CASK: variants seen among roughly 807,000 people sequenced by gnomAD.
CASK encodes peripheral plasma membrane protein CASK.
In CASK, 4 loss-of-function variants were observed where a neutral mutation model predicts 82.9. The observed-to-expected ratio is 0.05, with a 90% CI of 0.02 to 0.11. CASK has a LOEUF of 0.11. CASK is among the 10% of genes least tolerant of loss of function. CASK has a pLI of 1.00. For synonymous variants in CASK, 259 were observed against 253.5 expected, an observed-to-expected ratio of 1.02 and a Z score of -0.20; for missense variants, 358 against 720.9, an observed-to-expected ratio of 0.50 and a Z score of 5.76.
chrX:41,557,172 A>G, intron 18 of CASK, 72 bp from the exon 19 acceptor site: 3 of 819,444 alleles, frequency 3.7e-6, no homozygotes, highest in Non-Finnish European at 5.6e-6. Flanking sequence ...CATCAACAGT[A>G]ACAACCACAG....
chrX:41,565,074 C>G, intron 16 of CASK, among the ~76,000 whole-genome samples: 1 of 111,944 alleles, frequency 8.9e-6, no homozygotes, highest in East Asian at 2.8e-4. Flanking sequence ...CTCTGGGACA[C>G]ATTTAAAGCA....
chrX:41,526,372 C>A (rs1329249965), intron 25 of CASK, among the ~76,000 whole-genome samples: 1 of 112,069 alleles, frequency 8.9e-6, no homozygotes, highest in Non-Finnish European at 1.9e-5. Context: ...GAACGGAACC[C>A]ACAGATGAAG....
chrX:41,831,955 C>T (rs1395176378), intron 2 of CASK, among the ~76,000 whole-genome samples: 2 of 109,023 alleles, frequency 1.8e-5, no homozygotes, highest in African/African-American at 6.7e-5. Context: ...AGTAAGACTC[C>T]GTCTCAAAAT....
chrX:41,607,879 A>C (rs767181279), intron 12 of CASK, among the ~76,000 whole-genome samples: 6 of 111,982 alleles, frequency 5.4e-5, no homozygotes, highest in Non-Finnish European at 1.1e-4. Context: ...GACCTCCCTC[A>C]TCTACCTGCA....
chrX:41,818,214 A>T (rs1321744487), intron 2 of CASK, among the ~76,000 whole-genome samples: 2 of 106,153 alleles, frequency 1.9e-5, no homozygotes, highest in African/African-American at 6.9e-5. Flanking sequence ...TGGACAAACT[A>T]ATTCTAAAAT....
chrX:41,846,494 A>C (rs1356048612), intron 2 of CASK, among the ~76,000 whole-genome samples: 7 of 110,915 alleles, frequency 6.3e-5, no homozygotes, highest in Non-Finnish European at 1.3e-4. Context: ...TGGGTACAAA[A>C]AATAGAAAGA....
At chrX:41,825,825 C>T (rs750094314) in intron 2 of CASK, among the ~76,000 whole-genome samples, 1 of 112,238 alleles carries the variant, frequency 8.9e-6, no homozygotes, top group African/African-American at 3.2e-5. Flanking sequence ...GAGAAGAATG[C>T]CAAAACGAAA....
chrX:41,712,837 C>A (rs779813672), intron 5 of CASK, among the ~76,000 whole-genome samples: 1 of 111,675 alleles, frequency 9.0e-6, no homozygotes, highest in South Asian at 3.8e-4. Flanking sequence ...GATGGCCCCA[C>A]CTGGACCTGC....
In CASK at chrX:41,716,843, T is replaced by C. The variant is rs149114815; in HGVS notation, c.429+22541A>G. Among the ~76,000 whole-genome samples, 782 of 111,860 alleles carry C rather than the reference T, an allele frequency of 7.0e-3. 7 individuals are homozygous for C. Among genetic ancestry groups the C allele is most frequent in the Middle Eastern group, 9.2e-3 (2 of 218 alleles). ...CTGCTGTGCCTATGGAACCTTACTC[T>C]ATCTGAATGTCAGATACAATCAGTT... On this transcript the variant is annotated intron_variant, in intron 5 of 26. Transcript: ENST00000378163.
chrX:41,888,759 ATGTGTATATATGTATATATACATGTATG>A (rs1221862526), intron 1 of CASK, among the ~76,000 whole-genome samples: 1 of 95,019 alleles, frequency 1.1e-5, no homozygotes, highest in Non-Finnish European at 2.2e-5. Context: ...ATGTATATGT[ATGTGTATATATGTATATATACATGTATG>A]TGTATATATA....
chrX:41,830,807 G>C (rs1263877738), intron 2 of CASK, among the ~76,000 whole-genome samples: 12 of 85,243 alleles, frequency 1.4e-4, no homozygotes, highest in South Asian at 1.4e-3. Context: ...GCGACAGAGC[G>C]AGACTCTGCC....
rs147649053 is a variant in CASK, at chrX:41,713,867, A to C, written c.429+25517T>G. ...TTAAAACAAAGGTCATCACTATAGAAGGTTGGTAGGGAGATTCTGCTGTTC... is the reference window on the plus strand; with the variant it reads ...TTAAAACAAAGGTCATCACTATAGACGGTTGGTAGGGAGATTCTGCTGTTC... On this transcript the variant is annotated intron_variant, in intron 5 of 26. Transcript: ENST00000378163. Among the ~76,000 whole-genome samples the C allele has an allele frequency of 9.8e-3, 1,096 of 111,862 alleles. 16 individuals are homozygous for C. Among genetic ancestry groups the C allele is most frequent in the African/African-American group, 0.034 (1,038 of 30,768 alleles).
chrX:41,793,211 C>T (rs2069773267), intron 2 of CASK, among the ~76,000 whole-genome samples: 1 of 111,560 alleles, frequency 9.0e-6, no homozygotes. Flanking sequence ...CCCTGCATGA[C>T]ATACATGTAC....
At chrX:41,735,545 A>G (rs1405544422) in intron 5 of CASK, among the ~76,000 whole-genome samples, 1 of 110,879 alleles carries the variant, frequency 9.0e-6, no homozygotes, top group Non-Finnish European at 1.9e-5. Context: ...TAATCTCCAA[A>G]ATATATCAGG....
In CASK at chrX:41,517,770, T is replaced by TAGCAGCAGCAGCAGCAGC. The variant is rs760277976; in HGVS notation, c.*2632_*2649dup. ...TTAGTGGACAATTGTAATGTAGCAG[T>TAGCAGCAGCAGCAGCAGC]AGCAGCAGCAGCAGCAGCAGCAGCA... On this transcript the variant is annotated 3_prime_UTR_variant, in exon 27 of 27. Coordinates refer to ENST00000378163, the MANE Select transcript of CASK (RefSeq NM_001367721.1). 2.0e-4 allele frequency: 140 copies of TAGCAGCAGCAGCAGCAGC among 708,226 alleles called. No homozygotes were observed. Among genetic ancestry groups the TAGCAGCAGCAGCAGCAGC allele is most frequent in the African/African-American group, 7.7e-4 (33 of 43,091 alleles). The allele number at this position is 708,226 out of a possible 1,213,427, so 58.4% of individuals were successfully genotyped here. A position where few individuals can be genotyped will look rare whatever the true frequency, so the allele number is the denominator to read the frequency against.
intron 1 of CASK, among the ~76,000 whole-genome samples, chrX:41,911,275 G>T (rs1272500262): frequency 3.6e-5 from 4 of 112,014 alleles, no homozygotes; most frequent in African/African-American, 1.3e-4. Flanking sequence ...TAATAACTCA[G>T]ATGGAAGTCA....
In CASK at chrX:41,858,107, G is replaced by A. The variant is rs145835987; in HGVS notation, c.60-4880C>T. On this transcript the variant is annotated intron_variant, in intron 1 of 26. Transcript: ENST00000378163. ...GGACGTGTTTGCTAAAACAAGAATAGACCAATAAAAAGCATGCCTGGAGAC... is the reference window on the plus strand; with the variant it reads ...GGACGTGTTTGCTAAAACAAGAATAAACCAATAAAAAGCATGCCTGGAGAC... Among the ~76,000 whole-genome samples the A allele has an allele frequency of 3.1e-3, 343 of 111,806 alleles. 1 individual carries two copies. The highest frequency in any genetic ancestry group is 0.011 in the African/African-American group (323 of 30,734).
At chrX:41,893,488 G>A (rs1205858919) in intron 1 of CASK, among the ~76,000 whole-genome samples, 1 of 112,097 alleles carries the variant, frequency 8.9e-6, no homozygotes, top group East Asian at 2.8e-4. Context: ...GTTCTGGAAG[G>A]TTGTATCCAT....
intron 21 of CASK, among the ~76,000 whole-genome samples, chrX:41,549,708 C>T (rs1464671443): frequency 1.8e-5 from 2 of 109,194 alleles, no homozygotes; most frequent in East Asian, 2.9e-4. Context: ...GGCGTGGTGG[C>T]GGGCGCCTGT....
Sources: gnomAD v4.1 joint callset for allele counts (sites outside exome capture counted in the v4.1 genomes callset) on GRCh38, gnomAD v4.1.1 for gene constraint, MANE v1.5 for transcripts, NCBI Gene and HGNC (gene_info 2026-07-23, HGNC 2026-07-21) for gene names.